The following CA5A variants were observed in gnomAD, a reference collection of about 807,000 sequenced individuals.
CA5A encodes carbonic anhydrase 5A, mitochondrial.
Under a neutral mutation model 37.1 loss-of-function variants are expected in CA5A, and 28 were observed. The ratio of observed to expected loss-of-function variants is 0.75; its 90% CI spans 0.56 to 1.03. CA5A has a LOEUF of 1.03. CA5A is among the 50% of genes least tolerant of loss of function. CA5A has a pLI of 0.00. For missense variants in CA5A, 444 were observed against 399.9 expected (o/e 1.11, Z -0.94); for synonymous variants, 171 against 158.4 (o/e 1.08, Z -0.60).
downstream of CA5A, chr16:87,886,321 G>C (rs184637990): frequency 2.8e-4 from 42 of 152,066 alleles, no homozygotes; most frequent in African/African-American, 9.6e-4. Flanking sequence ...GGCTAATTTT[G>C]TATTTTTAGT....
intron 2 of CA5A, among the ~76,000 whole-genome samples, chr16:87,921,495 G>GA (rs916058033): frequency 2.6e-5 from 4 of 152,122 alleles, no homozygotes; most frequent in South Asian, 2.1e-4. Flanking sequence ...ATACGTCCTA[G>GA]AAAAAAACTC....
chr16:87,929,888 A>C (rs1250693805), intron 1 of CA5A, among the ~76,000 whole-genome samples: 1 of 151,620 alleles, frequency 6.6e-6, no homozygotes, highest in Non-Finnish European at 1.5e-5. Flanking sequence ...AAAAAAAAAA[A>C]AAAAAAAATA....
intron 2 of CA5A, among the ~76,000 whole-genome samples, chr16:87,925,814 G>C (rs947398882): frequency 1.4e-5 from 2 of 144,502 alleles, no homozygotes; most frequent in South Asian, 2.5e-4. Context: ...AGCCCACCCC[G>C]TCCCTCCACC....
At position 87,906,246 on chromosome 16, in the gene CA5A, C is replaced by T. The variant is rs1212651711; in HGVS notation, c.341-1342G>A. Among the ~76,000 whole-genome samples the T allele has an allele frequency of 3.3e-5, 5 of 151,484 alleles. 1 individual carries two copies. The highest frequency in any genetic ancestry group is 7.3e-5 in the African/African-American group (3 of 41,024). On this transcript the variant is annotated intron_variant, in intron 2 of 6. Coordinates refer to ENST00000649794, the MANE Select transcript of CA5A (RefSeq NM_001739.2). The stretch of plus-strand genomic sequence containing the variant: ...TGTGGAGGAGCCTCATGTCACCTCC[C>T]GCTGTGGCAAAAGCCAGGAAAGCAC...
intron 2 of CA5A, among the ~76,000 whole-genome samples, chr16:87,924,856 G>A (rs143531781): frequency 6.6e-6 from 1 of 152,240 alleles, no homozygotes; most frequent in Non-Finnish European, 1.5e-5. Context: ...CAGCCATGTG[G>A]GAGTTTCTGG....
intron 3 of CA5A, among the ~76,000 whole-genome samples, chr16:87,903,945 C>G (rs570778377): frequency 2.6e-5 from 4 of 152,230 alleles, no homozygotes; most frequent in African/African-American, 9.6e-5. Flanking sequence ...TATAAGGCAT[C>G]ACTTATCACC....
intron 2 of CA5A, among the ~76,000 whole-genome samples, chr16:87,909,568 A>G (rs6540107): frequency 0.99 from 151,587 of 152,358 alleles, 75,413 homozygotes; most frequent in Middle Eastern, 1. Context: ...AGAGCAACGT[A>G]GCCCGCGCGG....
intron 5 of CA5A, among the ~76,000 whole-genome samples, chr16:87,894,859 A>G (rs1179944812): frequency 1.4e-5 from 2 of 146,872 alleles, no homozygotes; most frequent in Non-Finnish European, 3.0e-5. Context: ...AGCCTGGGCA[A>G]CAGAGAGAGA....
At chr16:87,927,005 G>T (rs549631535) in intron 1 of CA5A, 60 bp from the exon 2 acceptor site, 1 of 1,195,560 alleles carries the variant, frequency 8.4e-7, no homozygotes, top group Non-Finnish European at 1.2e-6. Context: ...TGTCTTGGAC[G>T]GACAGGGCAG....
Position 87,919,773 on chromosome 16 carries a change from G to A in CA5A, c.340+6975C>T, listed in dbSNP as rs192754348. On this transcript the variant is annotated intron_variant, in intron 2 of 6. Transcript: ENST00000649794. ...GAGAGCAGCAGTGAGATCCCAGGCT[G>A]CATGGACAAGAGAGAGGAAGGCAGG... is the stretch of plus-strand genomic sequence containing the variant. 2.6e-5 allele frequency among the ~76,000 whole-genome samples: 4 copies of A among 152,302 alleles called. No individual in the cohort carries two copies. The East Asian group carries it at 7.7e-4, about 29-fold the overall frequency.
intron 2 of CA5A, among the ~76,000 whole-genome samples, chr16:87,908,129 T>C (rs2055992845): frequency 6.6e-6 from 1 of 152,170 alleles, no homozygotes; most frequent in Non-Finnish European, 1.5e-5. Context: ...TGTGTTACAG[T>C]GGAATCGAGC....
chr16:87,913,484 C>T (rs1269754560), intron 2 of CA5A, among the ~76,000 whole-genome samples: 1 of 152,066 alleles, frequency 6.6e-6, no homozygotes, highest in Non-Finnish European at 1.5e-5. Context: ...CTGTTAAAAG[C>T]CCGGAAGAAT....
At chr16:87,882,149 T>G (rs1002704418) in intron 4 of CA5A, 12 of 152,106 alleles carry the variant, frequency 7.9e-5, no homozygotes, top group South Asian at 4.2e-4. Context: ...AAGCCCCAGG[T>G]TCAGAGACCA....
intron 1 of CA5A, among the ~76,000 whole-genome samples, chr16:87,932,882 GCCA>G (rs1289761817): frequency 6.6e-6 from 1 of 152,206 alleles, no homozygotes; most frequent in Non-Finnish European, 1.5e-5. Flanking sequence ...ACTAGGCTTG[GCCA>G]CCTGGTGACC....
intron 2 of CA5A, among the ~76,000 whole-genome samples, chr16:87,913,665 T>C (rs796498559): frequency 0.13 from 15,799 of 125,108 alleles, 1,246 homozygotes; most frequent in South Asian, 0.17. Context: ...CCCCCCCTCC[T>C]CTCCAATACG....
chr16:87,918,879 C>T (rs3885672), intron 2 of CA5A, among the ~76,000 whole-genome samples: 33,057 of 152,064 alleles, frequency 0.22, 4,085 homozygotes, highest in South Asian at 0.35. Flanking sequence ...GACCGAGAAC[C>T]TGGAAAAATG....
intron 2 of CA5A, among the ~76,000 whole-genome samples, chr16:87,925,177 T>TGGCTGC (rs1328065911): frequency 6.6e-6 from 1 of 152,180 alleles, no homozygotes; most frequent in African/African-American, 2.4e-5. Context: ...TGTGGAGCTG[T>TGGCTGC]GGCTGCGGCT....
intron 2 of CA5A, among the ~76,000 whole-genome samples, chr16:87,919,942 C>T (rs2056208293): frequency 6.6e-6 from 1 of 152,180 alleles, no homozygotes; most frequent in Non-Finnish European, 1.5e-5. Flanking sequence ...GTGGCGAACA[C>T]CACACATCAC....
intron 3 of CA5A, among the ~76,000 whole-genome samples, chr16:87,903,021 C>T (rs1253043125): frequency 6.6e-6 from 1 of 150,626 alleles, no homozygotes. Flanking sequence ...GAAGGAACAG[C>T]CTCAGTCTTC....
Sources: gnomAD v4.1 joint callset for allele counts (sites outside exome capture counted in the v4.1 genomes callset) on GRCh38, gnomAD v4.1.1 for gene constraint, MANE v1.5 for transcripts, NCBI Gene and HGNC (gene_info 2026-07-23, HGNC 2026-07-21) for gene names.